NPAS2: variants seen among roughly 807,000 people sequenced by gnomAD.
The protein encoded by NPAS2 is neuronal PAS domain-containing protein 2.
Under a neutral mutation model 107.5 loss-of-function variants are expected in NPAS2, and 23 were observed. That is an observed-to-expected ratio of 0.21 (90% CI 0.15 to 0.30). The LOEUF is 0.30. Ranked by LOEUF, NPAS2 falls within the 10% of genes least tolerant of loss-of-function variation. The pLI, the probability that NPAS2 is intolerant of heterozygous loss-of-function variation, is 1.00. For synonymous variants in NPAS2, 403 were observed against 417.5 expected (o/e 0.97, Z 0.42); for missense variants, 756 against 1,043.3 (o/e 0.72, Z 3.79).
At position 100,964,077 on chromosome 2, in the gene NPAS2, T is replaced by G. The variant is rs1676072686; in HGVS notation, c.618T>G (p.Asn206Lys). ...SYNNVPSPSC[N>K]GFDNTLSRPC... ...CCCCAGTGCCTAGCCCCTCCTGTAA[T>G]GGTTTTGACAACACCCTTTCAAGAC... The change falls in exon 8 of 21, where the codon AAT becomes AAG. Residue 206 changes from asparagine to lysine, a missense_variant. This residue lies in a region of NPAS2 where 30 missense variants were observed against 23.8 expected (regional missense o/e 1.26). Transcript: ENST00000335681. The G allele has an allele frequency of 1.2e-6, 2 of 1,613,590 alleles. No individual in the cohort carries two copies. Among genetic ancestry groups the G allele is most frequent in the Non-Finnish European group, 1.7e-6 (2 of 1,179,508 alleles).
chr2:100,826,701 G>C (rs1331080777), intron 1 of NPAS2, among the ~76,000 whole-genome samples: 6 of 134,664 alleles, frequency 4.5e-5, no homozygotes, highest in African/African-American at 2.2e-4. Context: ...AGATTTTCTA[G>C]GTCAGGGATT....
rs1676132953 is a variant in NPAS2 at position 100,965,030 on chromosome 2, GC to G, written c.800+90del. 4 of 869,172 alleles carry G rather than the reference GC, an allele frequency of 4.6e-6. No homozygotes were observed. Among genetic ancestry groups the G allele is most frequent in the Admixed American group, 6.0e-5 (2 of 33,224 alleles). The allele number at this position is 869,172 out of a possible 1,614,324, so 53.8% of individuals were successfully genotyped here. ...GGCTCTCCTTGGGAGAGAAGAGTCG[GC>G]CCTGGTCCATTGAAAGAGGAGGACT... On this transcript the variant is annotated intron_variant, in intron 9 of 20. Transcript: ENST00000335681. This position sits in a 1 kb window ranked among gnomAD's most constrained non-coding sequence, Gnocchi z 4.3.
intron 15 of NPAS2, among the ~76,000 whole-genome samples, chr2:100,979,480 C>CTATATATATATATATATA (rs201705535): frequency 2.9e-4 from 19 of 64,788 alleles, no homozygotes; most frequent in South Asian, 7.1e-4. Context: ...TTAATAATAA[C>CTATATATATATATATATA]TATATATATA....
chr2:100,887,986 A>G (rs1680819663), intron 1 of NPAS2, among the ~76,000 whole-genome samples: 1 of 152,236 alleles, frequency 6.6e-6, no homozygotes, highest in African/African-American at 2.4e-5. Context: ...CGAGTCATAC[A>G]GATGGCAGTC....
intron 4 of NPAS2, among the ~76,000 whole-genome samples, chr2:100,935,587 C>T (rs549891421): frequency 1.3e-5 from 2 of 152,134 alleles, no homozygotes; most frequent in Admixed American, 1.3e-4. Context: ...AGTTATCTCC[C>T]GTCTATAAAT....
At chr2:100,842,260 A>G (rs979947619) in intron 1 of NPAS2, among the ~76,000 whole-genome samples, 1 of 152,182 alleles carries the variant, frequency 6.6e-6, no homozygotes, top group African/African-American at 2.4e-5. Context: ...TTTTATTTAT[A>G]CTTTAAAAGG....
At chr2:100,908,612 T>C (rs895685965) in intron 2 of NPAS2, among the ~76,000 whole-genome samples, 2 of 152,208 alleles carry the variant, frequency 1.3e-5, no homozygotes, top group Non-Finnish European at 2.9e-5. Context: ...AAAGCAATTA[T>C]CTAACTTTGC....
chr2:100,921,372 A>C (rs1010890708), intron 2 of NPAS2, among the ~76,000 whole-genome samples: 20 of 152,228 alleles, frequency 1.3e-4, no homozygotes, highest in Non-Finnish European at 2.5e-4. Context: ...ATACATAGTA[A>C]GTGCCCAGCA....
chr2:100,838,225 A>G (rs925391993), intron 1 of NPAS2, among the ~76,000 whole-genome samples: 2 of 150,266 alleles, frequency 1.3e-5, no homozygotes, highest in African/African-American at 4.9e-5. Context: ...TATAATAAAC[A>G]TTTAAGATTT....
chr2:100,889,122 G>C (rs1177593463), intron 1 of NPAS2, among the ~76,000 whole-genome samples: 1 of 152,162 alleles, frequency 6.6e-6, no homozygotes, highest in Non-Finnish European at 1.5e-5. Flanking sequence ...GCAAAACCCA[G>C]ATGACCTAGA....
intron 1 of NPAS2, among the ~76,000 whole-genome samples, chr2:100,834,708 T>C (rs187654252): frequency 4.4e-4 from 67 of 152,182 alleles, no homozygotes; most frequent in African/African-American, 1.6e-3. Flanking sequence ...TTCTTTTTTT[T>C]TGAGATGGAG....
chr2:100,977,894 G>A, intron 15 of NPAS2, 95 bp downstream of exon 15: 1 of 1,054,506 alleles, frequency 9.5e-7, no homozygotes, highest in Non-Finnish European at 1.5e-6. Context: ...CCCAACCAAG[G>A]CCCTGACGTG....
At position 100,965,580 on chromosome 2, in the gene NPAS2, T is replaced by C; in HGVS notation, c.801-80T>C. On this transcript the variant is annotated intron_variant, in intron 9 of 20. Coordinates refer to ENST00000335681, the MANE Select transcript of NPAS2 (RefSeq NM_002518.4). The surrounding 1 kb of genome is among the most constrained non-coding windows in gnomAD (Gnocchi z 4.3). Reference sequence around the variant, plus strand: ...AGAAATGAGGCCTCCATGTTGATCATTATGGAAAGGCATGGCCACCAGGGT... The same window carrying C: ...AGAAATGAGGCCTCCATGTTGATCACTATGGAAAGGCATGGCCACCAGGGT... 3 of 819,886 alleles carry C rather than the reference T, an allele frequency of 3.7e-6. No homozygotes were observed. The highest frequency in any genetic ancestry group is 6.1e-6 in the Non-Finnish European group (3 of 492,022). 50.8% of individuals were successfully genotyped at this position (819,886 alleles called of 1,614,324 possible).
intron 7 of NPAS2, among the ~76,000 whole-genome samples, chr2:100,950,194 A>G (rs1305837591): frequency 1.3e-5 from 2 of 152,244 alleles, no homozygotes; most frequent in Non-Finnish European, 2.9e-5. Context: ...TGAGCTCAGC[A>G]TGGCCTGCAT....
chr2:100,957,641 G>T (rs1174077214), intron 7 of NPAS2, among the ~76,000 whole-genome samples: 2 of 152,236 alleles, frequency 1.3e-5, no homozygotes, highest in Non-Finnish European at 2.9e-5. Context: ...ATGGGGAAAG[G>T]TCCTGCCGGG....
intron 8 of NPAS2, 88 bp from the exon 9 acceptor site, chr2:100,964,773 G>C: frequency 1.3e-6 from 1 of 759,160 alleles, no homozygotes; most frequent in Non-Finnish European, 2.2e-6. Flanking sequence ...TTTAACTTCT[G>C]TTACCCACCA....
intron 1 of NPAS2, among the ~76,000 whole-genome samples, chr2:100,898,402 G>A (rs1192939540): frequency 1.3e-5 from 2 of 152,092 alleles, no homozygotes; most frequent in Non-Finnish European, 2.9e-5. Flanking sequence ...AAATTTATGT[G>A]GCTGTGCAAC....
chr2:100,966,585 C>CTTT (rs765292891), intron 10 of NPAS2, among the ~76,000 whole-genome samples: 14 of 120,328 alleles, frequency 1.2e-4, no homozygotes, highest in East Asian at 5.0e-4. Flanking sequence ...CCCATTAGAA[C>CTTT]TTTTTTTTTT....
chr2:100,932,241 A>G (rs1399708992), intron 3 of NPAS2, among the ~76,000 whole-genome samples: 1 of 152,250 alleles, frequency 6.6e-6, no homozygotes, highest in Non-Finnish European at 1.5e-5. Flanking sequence ...GAACTAAAAT[A>G]TTTAAGGAGC....
Sources: allele counts gnomAD v4.1 joint callset (sites outside exome capture counted in the v4.1 genomes callset), GRCh38; gene constraint gnomAD v4.1.1; regional missense constraint gnomAD v4.1.1; non-coding constraint Gnocchi (gnomAD v3.1); transcripts MANE v1.5; gene names NCBI Gene and HGNC (gene_info 2026-07-23, HGNC 2026-07-21).